The following TANK variants were observed in gnomAD, a reference collection of about 807,000 sequenced individuals.
The protein encoded by TANK is TRAF family member associated NFKB activator.
In TANK, 15 loss-of-function variants were observed where a neutral mutation model predicts 43.6. The observed-to-expected ratio is 0.34, with a 90% confidence interval of 0.23 to 0.53. The LOEUF is 0.53. Among genes scored for constraint, TANK ranks in the 20% least tolerant of loss-of-function variants. The pLI is 0.94. For synonymous variants in TANK, 162 were observed against 178.2 expected, an observed-to-expected ratio of 0.91 and a Z score of 0.73; for missense variants, 417 against 498.6, an observed-to-expected ratio of 0.84 and a Z score of 1.56.
intron 1 of TANK, among the ~76,000 whole-genome samples, chr2:161,176,243 A>G (rs1039022773): frequency 1.3e-5 from 2 of 152,204 alleles, no homozygotes; most frequent in African/African-American, 4.8e-5. Flanking sequence ...AAGTGACTTT[A>G]AAGTTCAGGG....
intron 1 of TANK, among the ~76,000 whole-genome samples, chr2:161,172,345 T>C (rs1408228685): frequency 1.3e-5 from 2 of 149,676 alleles, no homozygotes; most frequent in Non-Finnish European, 3.0e-5. Flanking sequence ...AAAAATGTAG[T>C]TTTTTTCGGC....
intron 4 of TANK, among the ~76,000 whole-genome samples, chr2:161,205,575 A>C (rs1218029449): frequency 6.6e-6 from 1 of 152,200 alleles, no homozygotes; most frequent in Non-Finnish European, 1.5e-5. Context: ...ACATATCTGC[A>C]AGGAGACATA....
intron 1 of TANK, among the ~76,000 whole-genome samples, chr2:161,138,306 C>T (rs1321028604): frequency 6.6e-6 from 1 of 152,102 alleles, no homozygotes; most frequent in Non-Finnish European, 1.5e-5. Context: ...CTGTCATATT[C>T]AAGCTTGTAA....
intron 1 of TANK, chr2:161,161,461 AT>A: frequency 6.5e-7 from 1 of 1,547,580 alleles, no homozygotes; most frequent in South Asian, 1.2e-5. Context: ...TTGTGTCCTC[AT>A]TTGAGAGAGG....
intron 4 of TANK, chr2:161,216,362 G>A (rs1241096243): frequency 6.5e-6 from 3 of 464,412 alleles, no homozygotes; most frequent in Non-Finnish European, 1.3e-5. Context: ...ATTCTCTCCT[G>A]CTTTCTCTTT....
chr2:161,166,716 G>A (rs908559733), intron 1 of TANK, among the ~76,000 whole-genome samples: 2 of 151,946 alleles, frequency 1.3e-5, no homozygotes, highest in East Asian at 3.9e-4. Flanking sequence ...GAGGCGAGGA[G>A]TCCAGGCTGC....
intron 1 of TANK, among the ~76,000 whole-genome samples, chr2:161,147,357 C>A (rs1486070649): frequency 2.0e-5 from 3 of 152,162 alleles, no homozygotes; most frequent in Non-Finnish European, 4.4e-5. Flanking sequence ...TGCCCCTGCC[C>A]CTGGGAACTT....
intron 1 of TANK, among the ~76,000 whole-genome samples, chr2:161,147,527 C>T (rs1275473335): frequency 6.6e-6 from 1 of 152,182 alleles, no homozygotes; most frequent in African/African-American, 2.4e-5. Context: ...CTGGGTAGCA[C>T]ACTCACTCAC....
At chr2:161,162,811 A>G (rs1684505179) in intron 1 of TANK, 3 of 152,164 alleles carry the variant, frequency 2.0e-5, no homozygotes, top group Non-Finnish European at 4.4e-5. Flanking sequence ...ACAATTTTAA[A>G]TAATAGATAT....
At chr2:161,165,002 A>G (rs1432913391) in intron 1 of TANK, among the ~76,000 whole-genome samples, 3 of 149,942 alleles carry the variant, frequency 2.0e-5, no homozygotes, top group Non-Finnish European at 3.0e-5. Flanking sequence ...CATTTTGAGT[A>G]CTAGTGATCT....
At chr2:161,185,905 C>T (rs1685641489) in intron 2 of TANK, among the ~76,000 whole-genome samples, 1 of 152,122 alleles carries the variant, frequency 6.6e-6, no homozygotes, top group African/African-American at 2.4e-5. Flanking sequence ...AATCACATTA[C>T]ACAACAGCCA....
chr2:161,213,686 C>G (rs1686995765), intron 4 of TANK, among the ~76,000 whole-genome samples: 1 of 146,330 alleles, frequency 6.8e-6, no homozygotes, highest in Admixed American at 6.7e-5. Context: ...TACATTCAAC[C>G]TGCTGTTATT....
intron 2 of TANK, chr2:161,200,518 C>T (rs1376384112): frequency 1.0e-6 from 1 of 983,112 alleles, no homozygotes; most frequent in Non-Finnish European, 1.2e-6. Flanking sequence ...CTTTCCCTCT[C>T]ATAGTCTGTG....
At chr2:161,224,834 TTAAG>T in intron 6 of TANK, 88 bp downstream of exon 6, 5 of 790,214 alleles carry the variant, frequency 6.3e-6, no homozygotes, top group Non-Finnish European at 1.0e-5. Flanking sequence ...TGAATGCCTA[TTAAG>T]TGTGTAGCAT....
At chr2:161,229,532 G>GAAGAGAGGTATA (rs1687803528) in intron 6 of TANK, among the ~76,000 whole-genome samples, 1 of 152,190 alleles carries the variant, frequency 6.6e-6, no homozygotes, top group Non-Finnish European at 1.5e-5. Context: ...AGGATGGTAT[G>GAAGAGAGGTATA]AAGAGAGGTA....
chr2:161,210,065 T>G (rs1276046756), intron 4 of TANK, among the ~76,000 whole-genome samples: 1 of 152,204 alleles, frequency 6.6e-6, no homozygotes, highest in Non-Finnish European at 1.5e-5. Flanking sequence ...CTGAAAGATG[T>G]CAGTTAAACA....
chr2:161,147,862 T>C (rs1683961071), intron 1 of TANK, among the ~76,000 whole-genome samples: 1 of 152,216 alleles, frequency 6.6e-6, no homozygotes, highest in Non-Finnish European at 1.5e-5. Context: ...TTTCTTTTTG[T>C]GGCTGAATAA....
In TANK at chr2:161,231,155, G is replaced by GT; in HGVS notation, c.708dup (p.Pro237SerfsTer6). ...AATCACTTTCTAAATTCAATGTCAA[G>GT]TTTCCACCTATGGACAATGACTCAA... On this transcript the variant is annotated frameshift_variant, in exon 7 of 8. Transcript: ENST00000392749. LOFTEE classifies it high-confidence loss of function. 6.2e-7 allele frequency: 1 copy of GT among 1,613,992 alleles called. No individual in the cohort carries two copies. Among genetic ancestry groups the GT allele is most frequent in the Non-Finnish European group, 8.5e-7 (1 of 1,180,022 alleles).
intron 2 of TANK, chr2:161,200,517 T>G (rs1286336960): frequency 1.0e-6 from 1 of 983,302 alleles, no homozygotes; most frequent in Non-Finnish European, 1.2e-6. Context: ...TCTTTCCCTC[T>G]CATAGTCTGT....
Sources: gnomAD v4.1 joint callset for allele counts (sites outside exome capture counted in the v4.1 genomes callset) on GRCh38, gnomAD v4.1.1 for gene constraint, MANE v1.5 for transcripts, NCBI Gene and HGNC (gene_info 2026-07-23, HGNC 2026-07-21) for gene names.